MME: variants seen among roughly 807,000 people sequenced by gnomAD.
The protein encoded by MME is membrane metalloendopeptidase.
A neutral mutation model predicts 113.2 loss-of-function variants in MME; 98 were observed. The ratio of observed to expected loss-of-function variants is 0.87; its 90% CI spans 0.74 to 1.02. The LOEUF (loss-of-function observed/expected upper bound fraction) is 1.02, where lower values mean the gene tolerates loss of function less well. Among genes scored for constraint, MME ranks in the 50% least tolerant of loss-of-function variants. The pLI is 0.00. For synonymous variants in MME, 292 were observed against 300.6 expected (o/e 0.97, Z 0.30); for missense variants, 836 against 896.0 (o/e 0.93, Z 0.86).
intron 1 of MME, among the ~76,000 whole-genome samples, chr3:155,058,018 A>G (rs1351188533): frequency 1.3e-5 from 2 of 152,156 alleles, no homozygotes; most frequent in African/African-American, 4.8e-5. Context: ...ATCTTTTCCC[A>G]GAAAGCACAG....
upstream of MME, among the ~76,000 whole-genome samples, chr3:155,076,656 C>G (rs567258566): frequency 2.0e-5 from 3 of 152,198 alleles, no homozygotes; most frequent in Admixed American, 1.3e-4. Context: ...TCTATAGGCA[C>G]AGCAGCAGCA....
chr3:155,179,275 G>A (rs936242208), intron 22 of MME, among the ~76,000 whole-genome samples: 2 of 152,242 alleles, frequency 1.3e-5, no homozygotes, highest in East Asian at 1.9e-4. Context: ...AATGTACCAC[G>A]AGGAGGCTAG....
At chr3:155,075,655 T>TTA (rs1199862415), upstream of MME, among the ~76,000 whole-genome samples, 4 of 152,180 alleles carry the variant, frequency 2.6e-5, no homozygotes, top group African/African-American at 9.7e-5. Flanking sequence ...AATTAATCAA[T>TTA]ATCATTATCC....
intron 1 of MME, among the ~76,000 whole-genome samples, chr3:155,082,515 T>A (rs1211155550): frequency 6.6e-6 from 1 of 152,174 alleles, no homozygotes; most frequent in Non-Finnish European, 1.5e-5. Context: ...AGGACTACAA[T>A]CAATGCAATT....
At chr3:155,063,921 G>GC (rs543571954) in intron 1 of MME, among the ~76,000 whole-genome samples, 456 of 151,520 alleles carry the variant, frequency 3.0e-3, no homozygotes, top group South Asian at 5.2e-3. Flanking sequence ...GGAGATGGGG[G>GC]CTTTACAGAG....
intron 12 of MME, 54 bp downstream of exon 12, chr3:155,142,384 T>C: frequency 7.1e-7 from 1 of 1,411,218 alleles, no homozygotes; most frequent in Non-Finnish European, 1.0e-6. Context: ...TGATACATGG[T>C]TATGAAGGCT....
At chr3:155,072,796 G>GT (rs1320479045) in intron 1 of MME, among the ~76,000 whole-genome samples, 2 of 152,308 alleles carry the variant, frequency 1.3e-5, no homozygotes, top group African/African-American at 4.8e-5. Context: ...TTGTTGGGCT[G>GT]TAAGTCATGT....
At chr3:155,056,215 A>G (rs113109553) in intron 1 of MME, among the ~76,000 whole-genome samples, 6,618 of 152,036 alleles carry the variant, frequency 0.044, 156 homozygotes, top group African/African-American at 0.052. Flanking sequence ...TTTAGGGTAC[A>G]TATGCACAAT....
intron 1 of MME, among the ~76,000 whole-genome samples, chr3:155,032,291 A>G (rs1712998154): frequency 6.6e-6 from 1 of 152,242 alleles, no homozygotes; most frequent in Non-Finnish European, 1.5e-5. Flanking sequence ...TAAAGATTAC[A>G]AATTTTCCCT....
chr3:155,154,785 C>G (rs1226347905), intron 16 of MME, among the ~76,000 whole-genome samples: 3 of 152,060 alleles, frequency 2.0e-5, no homozygotes, highest in Admixed American at 1.3e-4. Flanking sequence ...GATGGCCCAG[C>G]AGTGGAAAGT....
intron 1 of MME, among the ~76,000 whole-genome samples, chr3:155,057,161 C>A (rs1713960975): frequency 6.6e-6 from 1 of 151,984 alleles, no homozygotes; most frequent in African/African-American, 2.4e-5. Context: ...GAACAAGCAA[C>A]CTACAAAATG....
At chr3:155,043,236 A>C (rs2108122343) in intron 1 of MME, among the ~76,000 whole-genome samples, 1 of 151,536 alleles carries the variant, frequency 6.6e-6, no homozygotes, top group Non-Finnish European at 1.5e-5. Flanking sequence ...ATATAGCCAG[A>C]TATTATTTTA....
In MME at chr3:155,147,177, G is replaced by A; in HGVS notation, c.1450G>A (p.Asp484Asn). ...AATTAAAGAAAGGATCGGCTATCCT[G>A]ATGACATTGTTTCAAATGATAACAA... ...LAIKERIGYP[D>N]DIVSNDNKLN... The change falls in exon 15 of 23, where the codon GAT becomes AAT. Residue 484 changes from aspartate to asparagine, a missense_variant. Asp to Asn is a conservative substitution (Grantham distance 23). Coordinates refer to ENST00000360490, the MANE Select transcript of MME (RefSeq NM_007289.4). 6.2e-7 allele frequency: 1 copy of A among 1,608,960 alleles called. No individual in the cohort carries two copies. The highest frequency in any genetic ancestry group is 8.5e-7 in the Non-Finnish European group (1 of 1,175,512).
chr3:155,177,746 G>A (rs1168949360), intron 22 of MME, among the ~76,000 whole-genome samples: 2 of 152,056 alleles, frequency 1.3e-5, no homozygotes, highest in East Asian at 1.9e-4. Context: ...ATCAAATTAA[G>A]CCAAACTCTG....
chr3:155,128,599 C>G lies in MME; in HGVS notation c.721-9503C>G, dbSNP rs3773890. Among the ~76,000 whole-genome samples the G allele has an allele frequency of 1.4e-4, 21 of 151,246 alleles. No homozygotes were observed. The East Asian group carries it at 3.5e-3, about 25-fold the overall frequency. On this transcript the variant is annotated intron_variant, in intron 8 of 22. Transcript: ENST00000360490. ...TTCCCTTTGCCTAGAACTTGCCCCC[C>G]ACACACACCACCTGCCTACACTCTT...
At chr3:155,077,895 CT>C (rs1184623934), upstream of MME, among the ~76,000 whole-genome samples, 2 of 151,298 alleles carry the variant, frequency 1.3e-5, no homozygotes, top group Admixed American at 6.6e-5. Context: ...TAAGTAAATC[CT>C]TTTTTTTCCT....
At position 155,143,502 on chromosome 3, in the gene MME, T is replaced by C. The variant is rs1485948769; in HGVS notation, c.1248T>C (p.Asn416=). 2 of 1,612,704 alleles carry C rather than the reference T, an allele frequency of 1.2e-6. No homozygotes were observed. Among genetic ancestry groups the C allele is most frequent in the Middle Eastern group, 1.6e-4 (1 of 6,074 alleles). The change falls in exon 13 of 23, where the codon AAT becomes AAC. Residue 416 remains asparagine (N), a synonymous_variant. Coordinates refer to ENST00000360490, the MANE Select transcript of MME (RefSeq NM_007289.4). ...ATWRRCANYV[N]GNMENAVGRL... is the part of the protein sequence containing the mutation. ...GGAGACGTTGTGCAAACTATGTCAA[T>C]GGGAATATGGAAAATGCTGTGGGGA...
At chr3:155,098,331 G>A (rs1443371463) in intron 3 of MME, among the ~76,000 whole-genome samples, 3 of 152,084 alleles carry the variant, frequency 2.0e-5, no homozygotes, top group African/African-American at 4.8e-5. Flanking sequence ...CAAGGCAGGC[G>A]AATCACCAGG....
At chr3:155,024,589 C>A (rs910844634) in intron 1 of MME, among the ~76,000 whole-genome samples, 1 of 152,104 alleles carries the variant, frequency 6.6e-6, no homozygotes, top group African/African-American at 2.4e-5. Context: ...TGCCATTCAA[C>A]CTTAACTTTA....
Sources: allele counts gnomAD v4.1 joint callset (sites outside exome capture counted in the v4.1 genomes callset), GRCh38; gene constraint gnomAD v4.1.1; transcripts MANE v1.5; gene names NCBI Gene and HGNC (gene_info 2026-07-23, HGNC 2026-07-21).